Variants in STK32B observed in about 807,000 individuals in gnomAD.
STK32B encodes the protein serine/threonine-protein kinase 32B.
Under a neutral mutation model 52.6 loss-of-function variants are expected in STK32B, and 43 were observed. The observed-to-expected ratio is 0.82, with a 90% CI of 0.64 to 1.05. The LOEUF is 1.05. Ranked by LOEUF, STK32B falls within the 50% of genes least tolerant of loss-of-function variation. The pLI is 0.00. For missense variants in STK32B, 621 were observed against 534.6 expected, an observed-to-expected ratio of 1.16 and a Z score of -1.59; for synonymous variants, 238 against 204.3, an observed-to-expected ratio of 1.17 and a Z score of -1.41.
intron 7 of STK32B, among the ~76,000 whole-genome samples, chr4:5,451,507 T>G (rs1158135937): frequency 6.6e-6 from 1 of 152,212 alleles, no homozygotes; most frequent in African/African-American, 2.4e-5. Flanking sequence ...GAACCACATA[T>G]GTCTGGGTTC....
intron 1 of STK32B, among the ~76,000 whole-genome samples, chr4:5,112,404 T>C (rs1468655102): frequency 6.6e-6 from 1 of 152,120 alleles, no homozygotes; most frequent in East Asian, 1.9e-4. Flanking sequence ...GTAGGTCCAA[T>C]CTGAAAGCCT....
intron 4 of STK32B, among the ~76,000 whole-genome samples, chr4:5,377,849 A>G (rs1162504693): frequency 2.6e-5 from 4 of 152,204 alleles, no homozygotes; most frequent in Admixed American, 6.5e-5. Flanking sequence ...TGGAGCTGTG[A>G]GTCAATTAAA....
At chr4:5,122,350 T>G (rs1042747987) in intron 1 of STK32B, among the ~76,000 whole-genome samples, 2 of 148,370 alleles carry the variant, frequency 1.3e-5, no homozygotes, top group African/African-American at 5.2e-5. Context: ...ATTCACTGAT[T>G]CATGCACTTG....
rs114262478 is a variant in STK32B at position 5,052,008 on chromosome 4, C to G, written c.52+93C>G. 4.9e-3 allele frequency: 7,468 copies of G among 1,526,374 alleles called. 86 individuals are homozygous for G. The highest frequency in any genetic ancestry group is 0.041 in the African/African-American group (2,933 of 71,970). The allele number at this position is 1,526,374 out of a possible 1,614,324, so 94.6% of individuals were successfully genotyped here. A position where few individuals can be genotyped will look rare whatever the true frequency, so the allele number is the denominator to read the frequency against. ...GCCCTGCGGGGCACCGCATGCTGCC[C>G]GGCGCGGGGACCCAGGCATGGCCAC... is the stretch of plus-strand genomic sequence containing the variant. On this transcript the variant is annotated intron_variant, in intron 1 of 11. Coordinates refer to ENST00000282908, the MANE Select transcript of STK32B (RefSeq NM_018401.3).
At chr4:5,249,441 A>T (rs9994383) in intron 3 of STK32B, among the ~76,000 whole-genome samples, 1,486 of 136,724 alleles carry the variant, frequency 0.011, 16 homozygotes, top group South Asian at 0.012. Flanking sequence ...CTTCCTACCT[A>T]CCTTCCTTCC....
chr4:5,331,988 T>G (rs190331679), intron 4 of STK32B, among the ~76,000 whole-genome samples: 5 of 152,300 alleles, frequency 3.3e-5, no homozygotes, highest in Admixed American at 3.3e-4. Flanking sequence ...ATTGTATCAT[T>G]CATAAATGTT....
intron 4 of STK32B, among the ~76,000 whole-genome samples, chr4:5,365,385 A>G (rs1734811792): frequency 6.6e-6 from 1 of 152,172 alleles, no homozygotes; most frequent in African/African-American, 2.4e-5. Flanking sequence ...TGCCTGGCAC[A>G]CAGTAGGTTC....
At position 5,316,244 on chromosome 4, in the gene STK32B, T is replaced by TAA. The variant is rs1382702280; in HGVS notation, c.261-14976_261-14975insAA. Among the ~76,000 whole-genome samples, 12 of 59,720 alleles carry TAA rather than the reference T, an allele frequency of 2.0e-4. 2 individuals carry two copies. The highest frequency in any genetic ancestry group is 1.4e-3 in the African/African-American group (9 of 6,586). 39.2% of individuals were successfully genotyped at this position (59,720 alleles called of 152,430 possible). A position where few individuals can be genotyped will look rare whatever the true frequency, so the allele number is the denominator to read the frequency against. ...TATATTATATATACAATATTATATA[T>TAA]TGTATATATAATATATTATATAGTA... On this transcript the variant is annotated intron_variant, in intron 3 of 11. Transcript: ENST00000282908.
intron 8 of STK32B, among the ~76,000 whole-genome samples, chr4:5,457,511 A>G (rs1432765119): frequency 1.3e-5 from 2 of 149,812 alleles, no homozygotes; most frequent in Non-Finnish European, 3.0e-5. Context: ...CACCGTGCCC[A>G]GCCTGCATGT....
intron 4 of STK32B, among the ~76,000 whole-genome samples, chr4:5,343,986 T>C (rs1056174496): frequency 1.3e-5 from 2 of 152,166 alleles, no homozygotes; most frequent in African/African-American, 2.4e-5. Context: ...CTATGATTCA[T>C]AGGAAAATAG....
intron 1 of STK32B, among the ~76,000 whole-genome samples, chr4:5,077,744 T>A (rs1448486506): frequency 1.3e-5 from 2 of 152,126 alleles, no homozygotes; most frequent in African/African-American, 4.8e-5. Context: ...GAAATCAGGT[T>A]TCCCTTATAA....
chr4:5,051,720 C>A lies in STK32B; in HGVS notation c.-144C>A. The A allele has an allele frequency of 9.4e-7, 1 of 1,067,206 alleles. No homozygotes were observed. Among genetic ancestry groups the A allele is most frequent in the Non-Finnish European group, 1.3e-6 (1 of 751,046 alleles). The allele number at this position is 1,067,206 out of a possible 1,614,324, so 66.1% of individuals were successfully genotyped here. On this transcript the variant is annotated 5_prime_UTR_variant, in exon 1 of 12. Coordinates refer to ENST00000282908, the MANE Select transcript of STK32B (RefSeq NM_018401.3). Reference sequence around the variant, plus strand: ...GGGGGACGCCGTCCCCGCCCCTGCACGGTGCTCGGCCCCCTCGGGCTCCGC... The same window carrying A: ...GGGGGACGCCGTCCCCGCCCCTGCAAGGTGCTCGGCCCCCTCGGGCTCCGC...
At chr4:5,436,206 C>T (rs1197771979) in intron 6 of STK32B, among the ~76,000 whole-genome samples, 1 of 152,220 alleles carries the variant, frequency 6.6e-6, no homozygotes, top group Non-Finnish European at 1.5e-5. Context: ...AAGTCAAATA[C>T]ATTTCCAAGC....
intron 3 of STK32B, among the ~76,000 whole-genome samples, chr4:5,193,099 A>G (rs570242700): frequency 9.9e-5 from 15 of 152,246 alleles, no homozygotes; most frequent in Non-Finnish European, 1.8e-4. Context: ...CTGGCTGCCC[A>G]TGCCTGGGGG....
intron 3 of STK32B, among the ~76,000 whole-genome samples, chr4:5,281,286 A>G (rs1728180130): frequency 6.6e-6 from 1 of 152,204 alleles, no homozygotes; most frequent in South Asian, 2.1e-4. Context: ...AAACCATATC[A>G]GTCACTATGG....
In STK32B at chr4:5,185,260, A is replaced by G. The variant is rs1720658855; in HGVS notation, c.260+16810A>G. ...AGGAGGGAGGCATCTGTCCCTGTCT[A>G]TTGCCTAAACAACCGAGAGAATGAA... On this transcript the variant is annotated intron_variant, in intron 3 of 11. Coordinates refer to ENST00000282908, the MANE Select transcript of STK32B (RefSeq NM_018401.3). Among the ~76,000 whole-genome samples the G allele has an allele frequency of 1.3e-5, 2 of 152,214 alleles. 1 individual carries two copies. Among genetic ancestry groups the G allele is most frequent in the Admixed American group, 1.3e-4 (2 of 15,286 alleles).
chr4:5,478,374 G>C (rs961928799), intron 11 of STK32B, among the ~76,000 whole-genome samples: 3 of 152,144 alleles, frequency 2.0e-5, no homozygotes, highest in African/African-American at 7.2e-5. Flanking sequence ...TGCATTTTCT[G>C]CATTTAGCAC....
intron 3 of STK32B, among the ~76,000 whole-genome samples, chr4:5,293,973 A>G (rs1483113706): frequency 6.6e-6 from 1 of 152,112 alleles, no homozygotes; most frequent in East Asian, 1.9e-4. Flanking sequence ...TATAAGGTGT[A>G]AGGAAGGGGT....
chr4:5,139,800 C>A, intron 1 of STK32B, 105 bp from the exon 2 acceptor site: 1 of 1,336,628 alleles, frequency 7.5e-7, no homozygotes, highest in Middle Eastern at 1.9e-4. Flanking sequence ...GCACCTGACC[C>A]AAGAGCCTTT....
Sources: gnomAD v4.1 joint callset for allele counts (sites outside exome capture counted in the v4.1 genomes callset) on GRCh38, gnomAD v4.1.1 for gene constraint, MANE v1.5 for transcripts, NCBI Gene and HGNC (gene_info 2026-07-23, HGNC 2026-07-21) for gene names.